NSUN6: variants seen among roughly 807,000 people sequenced by gnomAD.
The protein encoded by NSUN6 is tRNA (cytosine(72)-C(5))-methyltransferase NSUN6.
A neutral mutation model predicts 58.0 loss-of-function variants in NSUN6; 64 were observed. The ratio of observed to expected loss-of-function variants is 1.10; its 90% CI spans 0.90 to 1.36. The LOEUF (loss-of-function observed/expected upper bound fraction) is 1.36, where lower values mean the gene tolerates loss of function less well. NSUN6 is among the 40% of genes most tolerant of loss of function. The probability of loss-of-function intolerance (pLI) is 0.00; values close to 1 mark genes in which losing one functional copy is unlikely to be tolerated. For synonymous variants in NSUN6, 231 were observed against 193.9 expected, an observed-to-expected ratio of 1.19 and a Z score of -1.59; for missense variants, 701 against 550.1, an observed-to-expected ratio of 1.27 and a Z score of -2.74.
chr10:18,575,399 C>T (rs370714108), intron 8 of NSUN6, among the ~76,000 whole-genome samples: 6 of 152,168 alleles, frequency 3.9e-5, no homozygotes, highest in African/African-American at 1.4e-4. Context: ...GACCACCTCA[C>T]TCACTGGGCT....
At chr10:18,646,886 G>C (rs1386828184) in intron 2 of NSUN6, among the ~76,000 whole-genome samples, 2 of 152,068 alleles carry the variant, frequency 1.3e-5, no homozygotes, top group African/African-American at 4.8e-5. Flanking sequence ...GTGGGCCTCA[G>C]AACAGTTTCC....
At chr10:18,561,025 A>G (rs915175573) in intron 8 of NSUN6, among the ~76,000 whole-genome samples, 1 of 151,250 alleles carries the variant, frequency 6.6e-6, no homozygotes, top group Non-Finnish European at 1.5e-5. Flanking sequence ...TGGAATGGAG[A>G]ATAGAATGGA....
intron 3 of NSUN6, among the ~76,000 whole-genome samples, chr10:18,617,706 T>C (rs1266072885): frequency 1.3e-5 from 2 of 152,278 alleles, no homozygotes; most frequent in Non-Finnish European, 2.9e-5. Context: ...TGTTACGGTC[T>C]GGATGTGTCC....
chr10:18,622,882 T>C (rs1209112302), intron 3 of NSUN6, among the ~76,000 whole-genome samples: 1 of 152,188 alleles, frequency 6.6e-6, no homozygotes, highest in Admixed American at 6.5e-5. Context: ...GGGAGGAGCA[T>C]TAATTGAGAG....
chr10:18,629,581 C>A (rs200349047), intron 3 of NSUN6, among the ~76,000 whole-genome samples: 67,905 of 128,188 alleles, frequency 0.53, 19,266 homozygotes, highest in East Asian at 0.96. Context: ...TAATGGAAAA[C>A]AAAAAAGGCA....
chr10:18,627,726 G>A (rs377027608), intron 3 of NSUN6, among the ~76,000 whole-genome samples: 3 of 152,372 alleles, frequency 2.0e-5, no homozygotes, highest in South Asian at 4.1e-4. Context: ...CGGAGCACCA[G>A]GAGACTATAT....
At chr10:18,652,606 AC>A (rs1487583350), upstream of NSUN6, 2 of 955,348 alleles carry the variant, frequency 2.1e-6, no homozygotes, top group African/African-American at 1.9e-5. Flanking sequence ...TGTCGCCCAG[AC>A]TGGAGTGGAA....
At chr10:18,595,924 CT>C (rs1359098820) in intron 7 of NSUN6, among the ~76,000 whole-genome samples, 1 of 152,028 alleles carries the variant, frequency 6.6e-6, no homozygotes, top group Non-Finnish European at 1.5e-5. Flanking sequence ...ACTATGAAAT[CT>C]TATAAGAAAA....
intron 3 of NSUN6, among the ~76,000 whole-genome samples, chr10:18,627,756 T>A (rs1163267729): frequency 6.6e-6 from 1 of 152,244 alleles, no homozygotes; most frequent in East Asian, 1.9e-4. Flanking sequence ...CGGAGGGTCC[T>A]ACGCCCACGG....
chr10:18,632,694 A>G (rs1227598796), intron 3 of NSUN6, among the ~76,000 whole-genome samples: 2 of 152,210 alleles, frequency 1.3e-5, no homozygotes, highest in Non-Finnish European at 2.9e-5. Context: ...TGCAAATCAA[A>G]ACCACAATGA....
chr10:18,596,191 T>C lies in NSUN6; in HGVS notation c.777+17A>G, dbSNP rs1199552581. ...TACACTACTTTGAGAGTGGATTTGC[T>C]GTGAAGACAGTCTCACCTGATCATG... is the stretch of plus-strand genomic sequence containing the variant. On this transcript the variant is annotated intron_variant, in intron 7 of 10. Transcript: ENST00000377304. 1 of 1,602,852 alleles carries C rather than the reference T, an allele frequency of 6.2e-7. No homozygotes were observed. The highest frequency in any genetic ancestry group is 1.7e-5 in the Admixed American group (1 of 59,536).
intron 3 of NSUN6, among the ~76,000 whole-genome samples, chr10:18,617,403 G>T (rs929335022): frequency 5.3e-5 from 8 of 152,004 alleles, no homozygotes; most frequent in Non-Finnish European, 1.0e-4. Flanking sequence ...GGCCAGGTGG[G>T]TCTCGAACTC....
At chr10:18,573,479 T>G (rs146721656) in intron 8 of NSUN6, among the ~76,000 whole-genome samples, 2 of 151,840 alleles carry the variant, frequency 1.3e-5, no homozygotes, top group Non-Finnish European at 2.9e-5. Context: ...CTCCATTCCA[T>G]TGCATTCTCC....
chr10:18,569,880 C>T (rs941825652), intron 8 of NSUN6, among the ~76,000 whole-genome samples: 3 of 151,266 alleles, frequency 2.0e-5, no homozygotes, highest in African/African-American at 7.3e-5. Flanking sequence ...ATTCTCCATT[C>T]CATTCCATTC....
At chr10:18,588,575 G>A (rs1340579488) in intron 7 of NSUN6, among the ~76,000 whole-genome samples, 1 of 152,180 alleles carries the variant, frequency 6.6e-6, no homozygotes, top group Non-Finnish European at 1.5e-5. Context: ...AGCTTCCAGA[G>A]GAAGGAACAG....
At chr10:18,580,793 C>G (rs1589944000) in intron 8 of NSUN6, among the ~76,000 whole-genome samples, 1 of 152,154 alleles carries the variant, frequency 6.6e-6, no homozygotes, top group East Asian at 1.9e-4. Flanking sequence ...AAGCTCTCCC[C>G]AAGTGAACTT....
At chr10:18,651,789 G>A (rs2131614995), upstream of NSUN6, 1 of 985,468 alleles carries the variant, frequency 1.0e-6, no homozygotes, top group Middle Eastern at 5.2e-4. Flanking sequence ...GGTTAAGTAG[G>A]CAGACCCCGC....
chr10:18,606,758 A>G (rs2058061784), intron 6 of NSUN6, among the ~76,000 whole-genome samples: 1 of 152,216 alleles, frequency 6.6e-6, no homozygotes, highest in Non-Finnish European at 1.5e-5. Flanking sequence ...AGTAGAAAAA[A>G]AATCTTTATT....
intron 8 of NSUN6, among the ~76,000 whole-genome samples, chr10:18,560,263 C>G (rs906379714): frequency 6.7e-5 from 9 of 134,320 alleles, no homozygotes; most frequent in Non-Finnish European, 1.1e-4. Flanking sequence ...GGATAATGGA[C>G]GGCAATGGAA....
Sources: gnomAD v4.1 joint callset for allele counts (sites outside exome capture counted in the v4.1 genomes callset) on GRCh38, gnomAD v4.1.1 for gene constraint, MANE v1.5 for transcripts, NCBI Gene and HGNC (gene_info 2026-07-23, HGNC 2026-07-21) for gene names.